The following CAMK1D variants were observed in gnomAD, a reference collection of about 807,000 sequenced individuals.
CAMK1D encodes the protein calcium/calmodulin dependent protein kinase ID.
Under a neutral mutation model 47.7 loss-of-function variants are expected in CAMK1D, and 9 were observed. The observed-to-expected ratio is 0.19, with a 90% CI of 0.11 to 0.33. The LOEUF (loss-of-function observed/expected upper bound fraction) is 0.33, where lower values mean the gene tolerates loss of function less well. Ranked by LOEUF, CAMK1D falls within the 10% of genes least tolerant of loss-of-function variation. CAMK1D has a pLI of 1.00. For missense variants in CAMK1D, 291 were observed against 488.7 expected (o/e 0.60, Z 3.81); for synonymous variants, 184 against 184.9 (o/e 0.99, Z 0.04).
At chr10:12,783,639 C>T (rs1019727814) in intron 5 of CAMK1D, among the ~76,000 whole-genome samples, 2 of 152,220 alleles carry the variant, frequency 1.3e-5, no homozygotes, top group African/African-American at 4.8e-5. Flanking sequence ...TAGTTTCAGT[C>T]CCCTTGGTTA....
intron 1 of CAMK1D, among the ~76,000 whole-genome samples, chr10:12,354,384 G>C (rs543003233): frequency 2.2e-4 from 34 of 151,888 alleles, no homozygotes; most frequent in Non-Finnish European, 4.7e-4. Context: ...AATCAAGGCA[G>C]GTTGGGGGTG....
chr10:12,727,662 T>G (rs1372560786), intron 3 of CAMK1D, among the ~76,000 whole-genome samples: 1 of 152,088 alleles, frequency 6.6e-6, no homozygotes. Flanking sequence ...TTTTTTTATT[T>G]GATTACGTAC....
chr10:12,562,246 C>G (rs2815618), intron 2 of CAMK1D, among the ~76,000 whole-genome samples: 50,355 of 151,928 alleles, frequency 0.33, 8,305 homozygotes, highest in Middle Eastern at 0.45. Flanking sequence ...AGACCACCCC[C>G]CCTTAAAACA....
At chr10:12,592,325 A>C (rs1019302612) in intron 2 of CAMK1D, among the ~76,000 whole-genome samples, 2 of 152,202 alleles carry the variant, frequency 1.3e-5, no homozygotes, top group Non-Finnish European at 2.9e-5. Flanking sequence ...GTTTTCCAGT[A>C]TTTCTCAATA....
At chr10:12,420,767 T>A (rs1840023462) in intron 1 of CAMK1D, among the ~76,000 whole-genome samples, 1 of 152,148 alleles carries the variant, frequency 6.6e-6, no homozygotes, top group Non-Finnish European at 1.5e-5. Flanking sequence ...ACTCCACTTC[T>A]CTCCTATAAA....
chr10:12,800,171 G>A (rs917652032), intron 6 of CAMK1D, among the ~76,000 whole-genome samples: 3 of 152,254 alleles, frequency 2.0e-5, no homozygotes, highest in Admixed American at 6.5e-5. Context: ...CTCTGGAAAC[G>A]CACACAATCA....
intron 2 of CAMK1D, among the ~76,000 whole-genome samples, chr10:12,565,558 C>G (rs1245840148): frequency 6.6e-6 from 1 of 152,220 alleles, no homozygotes; most frequent in Non-Finnish European, 1.5e-5. Context: ...CTGGCGACAT[C>G]TCAGTTTTGT....
chr10:12,379,964 C>T (rs1163598622), intron 1 of CAMK1D, among the ~76,000 whole-genome samples: 1 of 152,016 alleles, frequency 6.6e-6, no homozygotes, highest in African/African-American at 2.4e-5. Context: ...CCTGTAATAC[C>T]AGCACTTTGG....
At chr10:12,797,734 G>A (rs926823966) in intron 6 of CAMK1D, among the ~76,000 whole-genome samples, 31 of 152,096 alleles carry the variant, frequency 2.0e-4, no homozygotes, top group African/African-American at 7.0e-4. Flanking sequence ...ATTCTCTGCC[G>A]AGTCCATCCT....
At chr10:12,458,910 G>A (rs1833341717) in intron 1 of CAMK1D, among the ~76,000 whole-genome samples, 3 of 128,762 alleles carry the variant, frequency 2.3e-5, no homozygotes, top group South Asian at 2.3e-4. Context: ...ATGAAATCTC[G>A]CTCTGTTGCC....
chr10:12,361,682 AG>A (rs1837669702), intron 1 of CAMK1D, among the ~76,000 whole-genome samples: 2 of 148,882 alleles, frequency 1.3e-5, no homozygotes, highest in African/African-American at 5.0e-5. Flanking sequence ...CAGCCTCCCG[AG>A]TAGCTGGGAT....
At chr10:12,405,904 A>G (rs570007719) in intron 1 of CAMK1D, among the ~76,000 whole-genome samples, 3 of 152,240 alleles carry the variant, frequency 2.0e-5, no homozygotes, top group Non-Finnish European at 4.4e-5. Flanking sequence ...TATGAATTTC[A>G]GAGCACTTAA....
chr10:12,591,717 G>A (rs1301031662), intron 2 of CAMK1D, among the ~76,000 whole-genome samples: 1 of 152,102 alleles, frequency 6.6e-6, no homozygotes, highest in Admixed American at 6.6e-5. Flanking sequence ...TTTTTGAGAC[G>A]GAGTCTCGCC....
At chr10:12,819,512 G>T (rs1323018684) in intron 8 of CAMK1D, among the ~76,000 whole-genome samples, 2 of 152,198 alleles carry the variant, frequency 1.3e-5, no homozygotes, top group Non-Finnish European at 2.9e-5. Context: ...CCTTTGGGCT[G>T]CCCCTGGAGA....
At chr10:12,594,873 G>T (rs1338567019) in intron 2 of CAMK1D, among the ~76,000 whole-genome samples, 3 of 152,182 alleles carry the variant, frequency 2.0e-5, no homozygotes, top group Admixed American at 2.0e-4. Flanking sequence ...ATTGCAGCCA[G>T]GCCCAGGCTG....
At chr10:12,456,927 C>T (rs1456865697) in intron 1 of CAMK1D, among the ~76,000 whole-genome samples, 1 of 152,116 alleles carries the variant, frequency 6.6e-6, no homozygotes, top group Non-Finnish European at 1.5e-5. Context: ...ACTGCAGATA[C>T]ACCCCCACAT....
intron 1 of CAMK1D, among the ~76,000 whole-genome samples, chr10:12,435,618 G>A (rs1386308965): frequency 6.6e-6 from 1 of 152,134 alleles, no homozygotes; most frequent in Non-Finnish European, 1.5e-5. Flanking sequence ...TGGCTTAGTG[G>A]TCATCTCCAG....
rs555648130 is a variant in CAMK1D at position 12,673,494 on chromosome 10, C to A, written c.299+6684C>A. ...TGATTTTTGTGCATTAGCCTCTGAT[C>A]TTGCTAAACTCACTTACTAGTTCCA... On this transcript the variant is annotated intron_variant, in intron 3 of 10. Coordinates refer to ENST00000619168, the MANE Select transcript of CAMK1D (RefSeq NM_153498.4). Among the ~76,000 whole-genome samples, 6 of 152,260 alleles carry A rather than the reference C, an allele frequency of 3.9e-5. No individual in the cohort carries two copies. In the East Asian group the frequency reaches 7.7e-4, roughly 20 times the overall value.
At chr10:12,748,763 G>C (rs1835795775) in intron 3 of CAMK1D, among the ~76,000 whole-genome samples, 1 of 152,186 alleles carries the variant, frequency 6.6e-6, no homozygotes, top group South Asian at 2.1e-4. Context: ...AAATTAGCCA[G>C]TTGTGGTGGT....
Sources: allele counts gnomAD v4.1 joint callset (sites outside exome capture counted in the v4.1 genomes callset), GRCh38; gene constraint gnomAD v4.1.1; transcripts MANE v1.5; gene names NCBI Gene and HGNC (gene_info 2026-07-23, HGNC 2026-07-21).